NEK10: variants seen among roughly 807,000 people sequenced by gnomAD.
The protein encoded by NEK10 is serine/threonine-protein kinase Nek10.
Under a neutral mutation model 159.8 loss-of-function variants are expected in NEK10, and 122 were observed. That is an observed-to-expected ratio of 0.76 (90% confidence interval 0.66 to 0.89). The LOEUF (loss-of-function observed/expected upper bound fraction) is 0.89, where lower values mean the gene tolerates loss of function less well. Ranked by LOEUF, NEK10 falls within the 40% of genes least tolerant of loss-of-function variation. The pLI is 0.00. For synonymous variants in NEK10, 466 were observed against 457.1 expected (o/e 1.02, Z -0.25); for missense variants, 1,342 against 1,323.1 (o/e 1.01, Z -0.22).
At position 27,208,618 on chromosome 3, in the gene NEK10, A is replaced by T. The variant is rs536354064; in HGVS notation, c.2091-6061T>A. On this transcript the variant is annotated intron_variant, in intron 23 of 35. Coordinates refer to ENST00000691995, the MANE Select transcript of NEK10 (RefSeq NM_001394966.1). ...AAGAGAAAAAGAGAAGGGAAAGATG[A>T]TCCCCTCCTTCTCTAGGATCCCAAG... is the stretch of plus-strand genomic sequence containing the variant. Among the ~76,000 whole-genome samples, 15 of 152,302 alleles carry T rather than the reference A, an allele frequency of 9.8e-5. No individual in the cohort carries two copies. In the East Asian group the frequency reaches 2.7e-3, roughly 27 times the overall value.
At chr3:27,248,595 T>C (rs1955335330) in intron 23 of NEK10, among the ~76,000 whole-genome samples, 1 of 152,252 alleles carries the variant, frequency 6.6e-6, no homozygotes, top group Non-Finnish European at 1.5e-5. Context: ...TTCAATTTAC[T>C]TATTTATTCA....
chr3:27,273,667 A>C (rs945577560), intron 22 of NEK10, among the ~76,000 whole-genome samples: 11 of 152,182 alleles, frequency 7.2e-5, no homozygotes, highest in African/African-American at 2.7e-4. Flanking sequence ...CAATTTCGGG[A>C]AATGATTATT....
chr3:27,210,439 C>T (rs992210528), intron 23 of NEK10, among the ~76,000 whole-genome samples: 1 of 152,034 alleles, frequency 6.6e-6, no homozygotes, highest in Non-Finnish European at 1.5e-5. Context: ...CTTAAAGGTC[C>T]CATCTCCTAA....
At chr3:27,265,362 A>G (rs186626029) in intron 22 of NEK10, among the ~76,000 whole-genome samples, 6 of 152,360 alleles carry the variant, frequency 3.9e-5, no homozygotes, top group Non-Finnish European at 8.8e-5. Flanking sequence ...AAAACTGCCA[A>G]GTCAAAATGT....
chr3:27,248,157 A>G (rs1033192777), intron 23 of NEK10, among the ~76,000 whole-genome samples: 1 of 152,124 alleles, frequency 6.6e-6, no homozygotes, highest in African/African-American at 2.4e-5. Flanking sequence ...ATTGGCACAT[A>G]GTTGTTCGTG....
At chr3:27,180,071 ACT>A (rs1947916935) in intron 26 of NEK10, among the ~76,000 whole-genome samples, 2 of 151,270 alleles carry the variant, frequency 1.3e-5, no homozygotes, top group Admixed American at 1.3e-4. Flanking sequence ...ACAGAGCAAG[ACT>A]CTGTCTCAAG....
intron 25 of NEK10, among the ~76,000 whole-genome samples, chr3:27,200,222 A>C (rs1351187946): frequency 6.6e-6 from 1 of 152,214 alleles, no homozygotes; most frequent in Admixed American, 6.5e-5. Flanking sequence ...ATTAGCACAA[A>C]CAATGGGCTA....
intron 25 of NEK10, among the ~76,000 whole-genome samples, chr3:27,196,648 G>A (rs1203251857): frequency 6.6e-6 from 1 of 152,192 alleles, no homozygotes; most frequent in Non-Finnish European, 1.5e-5. Flanking sequence ...GGGTCTATTA[G>A]TTTCAGAAGA....
chr3:27,210,389 A>G (rs940284150), intron 23 of NEK10, among the ~76,000 whole-genome samples: 1 of 152,144 alleles, frequency 6.6e-6, no homozygotes, highest in Non-Finnish European at 1.5e-5. Context: ...CTCATGATGC[A>G]CTAGATCATA....
intron 22 of NEK10, among the ~76,000 whole-genome samples, chr3:27,270,224 AGTAAAG>A (rs2041225581): frequency 6.6e-6 from 1 of 152,198 alleles, no homozygotes; most frequent in African/African-American, 2.4e-5. Flanking sequence ...CATGTAGAAT[AGTAAAG>A]GTTATTCTGC....
At chr3:27,337,030 C>T (rs1603052) in intron 5 of NEK10, among the ~76,000 whole-genome samples, 8 of 151,428 alleles carry the variant, frequency 5.3e-5, no homozygotes, top group East Asian at 3.9e-4. Flanking sequence ...ACACATTTGG[C>T]GGGGGGGAAA....
Position 27,304,875 on chromosome 3 carries a change from G to C in NEK10, c.900C>G (p.Leu300=). 1 of 1,613,366 alleles carries C rather than the reference G, an allele frequency of 6.2e-7. No individual in the cohort carries two copies. Among genetic ancestry groups the C allele is most frequent in the Non-Finnish European group, 8.5e-7 (1 of 1,179,334 alleles). The change falls in exon 12 of 36, where the codon CTC becomes CTG. Residue 300 remains leucine, a synonymous_variant. Transcript: ENST00000691995. ...YEGIPVLLSL[L]HSDHLKLLWS... ...AGAGGAGCTTCAAGTGGTCAGAGTGGAGCAGACTGAGGAGGACCGGTATCC... is the reference window on the plus strand; with the variant it reads ...AGAGGAGCTTCAAGTGGTCAGAGTGCAGCAGACTGAGGAGGACCGGTATCC...
At chr3:27,207,061 G>T (rs955359701) in intron 23 of NEK10, among the ~76,000 whole-genome samples, 7 of 152,116 alleles carry the variant, frequency 4.6e-5, no homozygotes, top group Non-Finnish European at 1.0e-4. Context: ...TTCTTAATCT[G>T]CAAGACTCCA....
rs980379790 is a variant in NEK10, at chr3:27,108,584, C to T, written c.*2688G>A. 6.6e-6 allele frequency among the ~76,000 whole-genome samples: 1 copy of T among 151,922 alleles called. No homozygotes were observed. Among genetic ancestry groups the T allele is most frequent in the Non-Finnish European group, 1.5e-5 (1 of 67,982 alleles). On this transcript the variant is annotated 3_prime_UTR_variant, in exon 36 of 36. Coordinates refer to ENST00000691995, the MANE Select transcript of NEK10 (RefSeq NM_001394966.1). ...TCTATTCCATGCAAATATTCAGTTA[C>T]GGAAATTAGGTGCATTCATAGGAAT...
At chr3:27,280,937 G>GTA (rs60206819) in intron 22 of NEK10, among the ~76,000 whole-genome samples, 31,015 of 149,368 alleles carry the variant, frequency 0.21, 3,471 homozygotes, top group Middle Eastern at 0.37. Flanking sequence ...GTGTGTGTGT[G>GTA]TATATGTATA....
chr3:27,259,741 T>C (rs2040229149), intron 22 of NEK10, among the ~76,000 whole-genome samples: 3 of 152,186 alleles, frequency 2.0e-5, no homozygotes, highest in Non-Finnish European at 4.4e-5. Flanking sequence ...AGTAGTTTTT[T>C]CCAATTGTGT....
intron 9 of NEK10, chr3:27,309,239 T>C (rs1408738675): frequency 3.9e-6 from 1 of 256,880 alleles, no homozygotes; most frequent in African/African-American, 2.2e-5. Flanking sequence ...TTATGTTTTT[T>C]TCTTAATGTT....
chr3:27,204,298 G>GTTTTTTTTTTTTTTTTTT (rs1559606061), intron 23 of NEK10, among the ~76,000 whole-genome samples: 2 of 65,520 alleles, frequency 3.1e-5, no homozygotes, highest in Non-Finnish European at 5.6e-5. Context: ...TTTTTTTGTT[G>GTTTTTTTTTTTTTTTTTT]TTGTTTTTTT....
At chr3:27,294,541 G>A (rs924915380) in intron 15 of NEK10, among the ~76,000 whole-genome samples, 3 of 152,136 alleles carry the variant, frequency 2.0e-5, no homozygotes, top group African/African-American at 7.2e-5. Flanking sequence ...TCTGCAGGAT[G>A]GGTTTGTCTT....
Sources: allele counts gnomAD v4.1 joint callset (sites outside exome capture counted in the v4.1 genomes callset), GRCh38; gene constraint gnomAD v4.1.1; transcripts MANE v1.5; gene names NCBI Gene and HGNC (gene_info 2026-07-23, HGNC 2026-07-21).